Variants in APBA2 observed in about 807,000 individuals in gnomAD.
The protein encoded by APBA2 is amyloid beta precursor protein binding family A member 2.
In APBA2, 30 loss-of-function variants were observed where a neutral mutation model predicts 75.0. The observed-to-expected ratio is 0.40, with a 90% CI of 0.30 to 0.54. The LOEUF (loss-of-function observed/expected upper bound fraction) is 0.54. Among genes scored for constraint, APBA2 ranks in the 20% least tolerant of loss-of-function variants. The pLI, the probability that APBA2 is intolerant of heterozygous loss-of-function variation, is 0.49. For synonymous variants in APBA2, 444 were observed against 409.6 expected (o/e 1.08, Z -1.01); for missense variants, 801 against 1,016.1 (o/e 0.79, Z 2.88).
In APBA2 at chr15:28,950,507, G is replaced by A. The variant is rs539040921; in HGVS notation, c.-95+28758G>A. Among the ~76,000 whole-genome samples, 45 of 152,054 alleles carry A rather than the reference G, an allele frequency of 3.0e-4. 2 individuals carry two copies. The highest frequency in any genetic ancestry group is 1.0e-3 in the African/African-American group (43 of 41,472). On this transcript the variant is annotated intron_variant, in intron 2 of 14. Transcript: ENST00000683413. ...CCAGGCGTGGTGGTGGGCACCTGTA[G>A]TCCCAGCTACTTGGGAGACTGAGGC...
At chr15:28,958,971 G>GCTCTT (rs773104334) in intron 2 of APBA2, among the ~76,000 whole-genome samples, 1 of 151,872 alleles carries the variant, frequency 6.6e-6, no homozygotes, top group East Asian at 1.9e-4. Flanking sequence ...CTTCTATAGG[G>GCTCTT]CTCTTCTCTT....
chr15:28,981,040 T>C (rs969762983), intron 2 of APBA2, among the ~76,000 whole-genome samples: 1 of 152,144 alleles, frequency 6.6e-6, no homozygotes, highest in African/African-American at 2.4e-5. Context: ...ATCAACTCAG[T>C]TGGATTAAAG....
Position 28,991,421 on chromosome 15 carries a change from C to T in APBA2, c.-94-4332C>T, listed in dbSNP as rs1303790758. Among the ~76,000 whole-genome samples, 6 of 120,658 alleles carry T rather than the reference C, an allele frequency of 5.0e-5. No homozygotes were observed. The South Asian group carries it at 8.6e-4, about 17-fold the overall frequency. 79.2% of individuals were successfully genotyped at this position (120,658 alleles called of 152,430 possible). A position where few individuals can be genotyped will look rare whatever the true frequency, so the allele number is the denominator to read the frequency against. ...CGGGCCGCAGGAGGCGTCCTTGTGC[C>T]GGAGCTCACCTTGTGCCGGAGCTCA... On this transcript the variant is annotated intron_variant, in intron 2 of 14. Coordinates refer to ENST00000683413, the MANE Select transcript of APBA2 (RefSeq NM_001353788.2). This position sits in a 1 kb window ranked among gnomAD's most constrained non-coding sequence, Gnocchi z 4.7.
intron 4 of APBA2, among the ~76,000 whole-genome samples, chr15:29,059,615 T>C (rs2042046522): frequency 6.6e-6 from 1 of 152,178 alleles, no homozygotes; most frequent in South Asian, 2.1e-4. Context: ...GAAATCTATA[T>C]TAAACAAGGT....
chr15:28,922,895 A>G (rs751048117), intron 2 of APBA2, among the ~76,000 whole-genome samples: 1 of 152,060 alleles, frequency 6.6e-6, no homozygotes, highest in Non-Finnish European at 1.5e-5. Context: ...AGCCACGGTC[A>G]CTCCCCTAAT....
At chr15:28,914,351 C>CT (rs2033570766) in intron 1 of APBA2, among the ~76,000 whole-genome samples, 1 of 152,158 alleles carries the variant, frequency 6.6e-6, no homozygotes, top group Admixed American at 6.5e-5. Flanking sequence ...GGAAGAAGAT[C>CT]TGTATATACA....
intron 2 of APBA2, among the ~76,000 whole-genome samples, chr15:28,970,877 T>G (rs1308395292): frequency 6.6e-6 from 1 of 152,118 alleles, no homozygotes; most frequent in Admixed American, 6.5e-5. Flanking sequence ...CTCTTTGCCA[T>G]GCACACACCC....
intron 13 of APBA2, 41 bp from the exon 14 acceptor site, chr15:29,113,835 G>C: frequency 6.4e-7 from 1 of 1,563,042 alleles, no homozygotes. Context: ...CCTGTCGGGT[G>C]TGGCGGGAAC....
At chr15:29,012,045 C>T (rs2039428250) in intron 3 of APBA2, among the ~76,000 whole-genome samples, 1 of 152,218 alleles carries the variant, frequency 6.6e-6, no homozygotes, top group South Asian at 2.1e-4. Flanking sequence ...AGTTCCCATA[C>T]ATCCTGTACC....
At chr15:29,106,431 G>A (rs1016605676) in intron 11 of APBA2, among the ~76,000 whole-genome samples, 176 bp from the exon 12 acceptor site, 1 of 151,822 alleles carries the variant, frequency 6.6e-6, no homozygotes, top group African/African-American at 2.4e-5. Context: ...GTGAGGCTGG[G>A]GGTGGGTGGG....
At chr15:28,987,561 T>C (rs144473909) in intron 2 of APBA2, among the ~76,000 whole-genome samples, 93 of 150,920 alleles carry the variant, frequency 6.2e-4, no homozygotes, top group African/African-American at 2.2e-3. Context: ...ATAGAGAGAG[T>C]AGAGAGGAAG....
intron 3 of APBA2, among the ~76,000 whole-genome samples, chr15:29,024,900 A>G (rs4779474): frequency 0.36 from 55,429 of 151,964 alleles, 16,534 homozygotes; most frequent in African/African-American, 0.79. Context: ...GGCCTGAGGT[A>G]TAGCCTTGGG....
chr15:28,903,655 C>T (rs207475353), intron 1 of APBA2, among the ~76,000 whole-genome samples: 1 of 152,168 alleles, frequency 6.6e-6, no homozygotes, highest in Non-Finnish European at 1.5e-5. Context: ...AGTGGAGAGT[C>T]AGAGGGGCCT....
intron 1 of APBA2, among the ~76,000 whole-genome samples, chr15:28,913,104 C>A (rs1274380223): frequency 1.3e-5 from 2 of 152,202 alleles, no homozygotes; most frequent in Admixed American, 1.3e-4. Flanking sequence ...CAGTTTGTGT[C>A]CGTCGCAGAT....
chr15:29,005,364 G>T (rs1043154586), intron 3 of APBA2, among the ~76,000 whole-genome samples: 2 of 151,852 alleles, frequency 1.3e-5, no homozygotes, highest in African/African-American at 4.8e-5. Context: ...GGGCTCAAGC[G>T]GTCCTCCCAC....
intron 4 of APBA2, among the ~76,000 whole-genome samples, chr15:29,071,482 C>T (rs188370820): frequency 1.5e-4 from 23 of 151,518 alleles, no homozygotes; most frequent in Admixed American, 7.2e-4. Flanking sequence ...GATGGGACCC[C>T]GTGTCCTCTG....
intron 8 of APBA2, 53 bp from the exon 9 acceptor site, chr15:29,098,437 C>A: frequency 7.9e-7 from 1 of 1,261,660 alleles, no homozygotes; most frequent in Non-Finnish European, 1.2e-6. Flanking sequence ...ATTTGCATGT[C>A]CTCTATTCCG....
chr15:29,074,653 A>T (rs534090240), intron 4 of APBA2, among the ~76,000 whole-genome samples: 1 of 152,228 alleles, frequency 6.6e-6, no homozygotes, highest in Non-Finnish European at 1.5e-5. Flanking sequence ...AAATGGTCAA[A>T]TGGTGAACTT....
In APBA2 at chr15:28,886,224, G is replaced by C. The variant is rs2031705790; in HGVS notation, c.-259G>C. 1 of 151,044 alleles carries C rather than the reference G, an allele frequency of 6.6e-6. No individual in the cohort carries two copies. The highest frequency in any genetic ancestry group is 1.5e-5 in the Non-Finnish European group (1 of 67,606). The allele number at this position is 151,044 out of a possible 1,614,324, so 9.4% of individuals were successfully genotyped here. ...AGAGCTCGGCCTCGCGGACTGAGCC[G>C]GCGGCAGCGGGGCGGGGACGGCGGC... On this transcript the variant is annotated 5_prime_UTR_variant, in exon 1 of 15. Coordinates refer to ENST00000683413, the MANE Select transcript of APBA2 (RefSeq NM_001353788.2).
Sources: gnomAD v4.1 joint callset for allele counts (sites outside exome capture counted in the v4.1 genomes callset) on GRCh38, gnomAD v4.1.1 for gene constraint, Gnocchi (gnomAD v3.1) non-coding constraint, MANE v1.5 for transcripts, NCBI Gene and HGNC (gene_info 2026-07-23, HGNC 2026-07-21) for gene names.